Variants in NUDT9 observed in about 807,000 individuals in gnomAD.
The protein encoded by NUDT9 is ADP-ribose pyrophosphatase.
In NUDT9, 31 loss-of-function variants were observed where a neutral mutation model predicts 41.0. That is an observed-to-expected ratio of 0.76 (90% CI 0.57 to 1.02). The LOEUF is 1.02. Among genes scored for constraint, NUDT9 ranks in the 50% least tolerant of loss-of-function variants. The pLI, the probability that NUDT9 is intolerant of heterozygous loss-of-function variation, is 0.00. For synonymous variants in NUDT9, 146 were observed against 147.6 expected (o/e 0.99, Z 0.08); for missense variants, 380 against 431.4 (o/e 0.88, Z 1.06).
chr4:87,448,526 A>G (rs973397454), intron 4 of NUDT9, among the ~76,000 whole-genome samples: 1 of 151,858 alleles, frequency 6.6e-6, no homozygotes, highest in African/African-American at 2.4e-5. Context: ...CTGTCGCCCA[A>G]GCTGGAGTGT....
chr4:87,425,772 G>A (rs10155178), intron 1 of NUDT9, among the ~76,000 whole-genome samples: 277 of 148,034 alleles, frequency 1.9e-3, no homozygotes, highest in Admixed American at 3.8e-3. Flanking sequence ...AACCCAGAAA[G>A]TGACAGTTTT....
chr4:87,425,809 G>A (rs981422445), intron 1 of NUDT9, among the ~76,000 whole-genome samples: 2 of 151,260 alleles, frequency 1.3e-5, no homozygotes, highest in Admixed American at 6.6e-5. Flanking sequence ...ATTACTAGAA[G>A]GTTTCCAATG....
At chr4:87,437,855 A>G (rs1044016592) in intron 2 of NUDT9, among the ~76,000 whole-genome samples, 6 of 152,178 alleles carry the variant, frequency 3.9e-5, no homozygotes, top group Middle Eastern at 3.2e-3. Flanking sequence ...TGTGCATTTG[A>G]AGAAATTTAA....
intron 1 of NUDT9, among the ~76,000 whole-genome samples, chr4:87,434,626 C>CTTTTTTTTTTTTTTTTTT: frequency 7.0e-6 from 1 of 142,340 alleles, no homozygotes; most frequent in South Asian, 2.2e-4. Context: ...GAATTAGGTT[C>CTTTTTTTTTTTTTTTTTT]TTTTTTTTTT....
chr4:87,432,221 A>G (rs1319666918), intron 1 of NUDT9, among the ~76,000 whole-genome samples: 2 of 152,166 alleles, frequency 1.3e-5, no homozygotes, highest in African/African-American at 4.8e-5. Context: ...TGTCTTGGAG[A>G]TGGGACTCAA....
chr4:87,432,971 T>G (rs1034167154), intron 1 of NUDT9, among the ~76,000 whole-genome samples: 1 of 152,152 alleles, frequency 6.6e-6, no homozygotes, highest in Non-Finnish European at 1.5e-5. Flanking sequence ...TTTTTTATAG[T>G]GTCTTTGTCA....
At chr4:87,428,662 C>T (rs1251588056) in intron 1 of NUDT9, among the ~76,000 whole-genome samples, 1 of 152,160 alleles carries the variant, frequency 6.6e-6, no homozygotes, top group African/African-American at 2.4e-5. Context: ...TTCTTGAAGG[C>T]ACAACTATGG....
Position 87,431,772 on chromosome 4 carries a change from G to A in NUDT9, c.108-3209G>A, listed in dbSNP as rs886189897. Among the ~76,000 whole-genome samples the A allele has an allele frequency of 5.3e-5, 8 of 152,170 alleles. No individual in the cohort carries two copies. The South Asian group carries it at 8.3e-4, about 16-fold the overall frequency. ...TTGATCTCGGCTTACTGCAACCTCCGCCTCTGGGGTTTAAGTGATTCTCCT... is the reference window on the plus strand; with the variant it reads ...TTGATCTCGGCTTACTGCAACCTCCACCTCTGGGGTTTAAGTGATTCTCCT... On this transcript the variant is annotated intron_variant, in intron 1 of 7. Transcript: ENST00000302174.
intron 1 of NUDT9, among the ~76,000 whole-genome samples, chr4:87,434,022 T>A (rs1019435244): frequency 3.9e-5 from 6 of 152,162 alleles, no homozygotes; most frequent in Non-Finnish European, 8.8e-5. Flanking sequence ...AAAAATATAT[T>A]CCTTTACGTA....
chr4:87,432,416 T>C (rs946312780), intron 1 of NUDT9, among the ~76,000 whole-genome samples: 7 of 152,212 alleles, frequency 4.6e-5, no homozygotes, highest in African/African-American at 1.7e-4. Context: ...GATTTTGGAT[T>C]TTTGGATTAG....
intron 3 of NUDT9, among the ~76,000 whole-genome samples, chr4:87,440,845 C>G (rs375326862): frequency 6.8e-6 from 1 of 148,024 alleles, no homozygotes; most frequent in Non-Finnish European, 1.5e-5. Context: ...GACTCTGTCT[C>G]AAAAAAAAAA....
intron 4 of NUDT9, among the ~76,000 whole-genome samples, chr4:87,444,498 A>G (rs1722360884): frequency 6.6e-6 from 1 of 152,108 alleles, no homozygotes. Flanking sequence ...CCATCCACAT[A>G]CTGTTAGAAC....
Position 87,428,620 on chromosome 4 carries a change from A to G in NUDT9, c.107+5608A>G, listed in dbSNP as rs1035181067. Among the ~76,000 whole-genome samples the G allele has an allele frequency of 6.6e-5, 10 of 152,348 alleles. 2 individuals carry two copies. Among genetic ancestry groups the G allele is most frequent in the Admixed American group, 1.3e-4 (2 of 15,302 alleles). ...ATCTTAAATGCATATTATTAACTGA[A>G]GGAAAGGCTGTATGATTCCAACTAT... On this transcript the variant is annotated intron_variant, in intron 1 of 7. Transcript: ENST00000302174.
At chr4:87,448,311 A>G (rs890223733) in intron 4 of NUDT9, among the ~76,000 whole-genome samples, 3 of 151,356 alleles carry the variant, frequency 2.0e-5, no homozygotes, top group African/African-American at 7.3e-5. Context: ...TGCCTAGCTA[A>G]TTTTTGTATT....
At chr4:87,448,446 A>G (rs112791869) in intron 4 of NUDT9, among the ~76,000 whole-genome samples, 32,655 of 151,936 alleles carry the variant, frequency 0.21, 4,276 homozygotes, top group Admixed American at 0.31. Flanking sequence ...GCCTGGCCCA[A>G]AGCAAATCTT....
chr4:87,440,743 G>A lies in NUDT9; in HGVS notation c.444-1086G>A, dbSNP rs546895838. ...TGCCTGTAATCCCAGCTACTCAGGAGGCTGAGGCAGGAGAATTGCTTGAAC... is the reference window on the plus strand; with the variant it reads ...TGCCTGTAATCCCAGCTACTCAGGAAGCTGAGGCAGGAGAATTGCTTGAAC... On this transcript the variant is annotated intron_variant, in intron 3 of 7. Coordinates refer to ENST00000302174, the MANE Select transcript of NUDT9 (RefSeq NM_024047.5). 1.2e-3 allele frequency among the ~76,000 whole-genome samples: 186 copies of A among 152,212 alleles called. 1 individual carries two copies. Among genetic ancestry groups the A allele is most frequent in the African/African-American group, 4.3e-3 (178 of 41,528 alleles).
rs766380474 is a variant in NUDT9 at position 87,434,975 on chromosome 4, C to T, written c.108-6C>T. ...TATGTAAAATGTTTTTCTTTTTCTC[C>T]CCCAGAAACTCGTTTTCATCTTCTT... On this transcript the variant is annotated splice_region_variant and splice_polypyrimidine_tract_variant and intron_variant, in intron 1 of 7. Transcript: ENST00000302174. The T allele has an allele frequency of 1.9e-6, 3 of 1,595,204 alleles. No homozygotes were observed. Among genetic ancestry groups the T allele is most frequent in the African/African-American group, 2.7e-5 (2 of 73,582 alleles).
At position 87,435,036 on chromosome 4, in the gene NUDT9, A is replaced by G; in HGVS notation, c.163A>G (p.Asn55Asp). 1 of 1,614,036 alleles carries G rather than the reference A, an allele frequency of 6.2e-7. No homozygotes were observed. ...TAATACCAACGTCATGTCTGGTTCT[A>G]ATGGTTCCAAAGAAAATTCTCACAA... ...HLNTNVMSGS[N>D]GSKENSHNKA... Residue 55 changes from asparagine (N) to aspartate (D), a missense_variant, in exon 2 of 8, where the codon AAT becomes GAT. Coordinates refer to ENST00000302174, the MANE Select transcript of NUDT9 (RefSeq NM_024047.5).
At chr4:87,439,752 C>T (rs982215997) in intron 3 of NUDT9, among the ~76,000 whole-genome samples, 6 of 152,152 alleles carry the variant, frequency 3.9e-5, no homozygotes, top group African/African-American at 7.2e-5. Flanking sequence ...ATCCAGTCAC[C>T]TCCCACCAGG....
Sources: gnomAD v4.1 joint callset for allele counts (sites outside exome capture counted in the v4.1 genomes callset) on GRCh38, gnomAD v4.1.1 for gene constraint, MANE v1.5 for transcripts, NCBI Gene and HGNC (gene_info 2026-07-23, HGNC 2026-07-21) for gene names.